TPO: variants seen among roughly 807,000 people sequenced by gnomAD.
The protein encoded by TPO is thyroid peroxidase, also known as thyroid microsomal antigen.
TPO carries 78 observed loss-of-function variants against 96.9 expected under a neutral mutation model. The ratio of observed to expected loss-of-function variants is 0.81; its 90% CI spans 0.67 to 0.97. TPO has a LOEUF of 0.97. Ranked by LOEUF, TPO falls within the 50% of genes least tolerant of loss-of-function variation. The probability of loss-of-function intolerance (pLI) is 0.00; values close to 1 mark genes in which losing one functional copy is unlikely to be tolerated. For missense variants in TPO, 1,252 were observed against 1,274.8 expected, an observed-to-expected ratio of 0.98 and a Z score of 0.27; for synonymous variants, 547 against 538.0, an observed-to-expected ratio of 1.02 and a Z score of -0.23.
intron 1 of TPO, among the ~76,000 whole-genome samples, chr2:1,380,228 A>C (rs1661787359): frequency 6.6e-6 from 1 of 151,974 alleles, no homozygotes; most frequent in South Asian, 2.1e-4. Context: ...CCCCGTCTCT[A>C]CTAAAAATAC....
At chr2:1,534,501 GTGTGCAACTTCCCCAAATCCCTCCCACTC>G (rs1445257801) in intron 15 of TPO, among the ~76,000 whole-genome samples, 4 of 40,060 alleles carry the variant, frequency 1.0e-4, no homozygotes, top group Non-Finnish European at 1.5e-4. Context: ...CCCCCACGCA[GTGTGCAACTTCCCCAAATCCCTCCCACTC>G]TGTGCAACCT....
intron 14 of TPO, among the ~76,000 whole-genome samples, chr2:1,514,625 G>A (rs980862259): frequency 1.2e-4 from 19 of 152,188 alleles, no homozygotes; most frequent in Non-Finnish European, 2.5e-4. Context: ...AAGCCACTCC[G>A]GCAGCAGCCG....
chr2:1,481,408 C>T (rs982754370), intron 8 of TPO, among the ~76,000 whole-genome samples: 1 of 152,102 alleles, frequency 6.6e-6, no homozygotes, highest in African/African-American at 2.4e-5. Context: ...AAATATCTGG[C>T]GTGGATGTTT....
chr2:1,516,102 G>C (rs1674674522), intron 14 of TPO, among the ~76,000 whole-genome samples: 1 of 152,014 alleles, frequency 6.6e-6, no homozygotes, highest in Non-Finnish European at 1.5e-5. Flanking sequence ...CCAAGGGCTG[G>C]AGCCCAGGAG....
chr2:1,414,417 G>C lies in TPO; in HGVS notation c.9G>C (p.Ala3=). 6.2e-7 allele frequency: 1 copy of C among 1,613,566 alleles called. No homozygotes were observed. Among genetic ancestry groups the C allele is most frequent in the Non-Finnish European group, 8.5e-7 (1 of 1,179,762 alleles). MR[A]LAVLSVTLVM... Reference sequence around the variant, plus strand: ...CTTCCGTTAATTTTAGAATGAGAGCGCTCGCTGTGCTGTCTGTCACGCTGG... The same window carrying C: ...CTTCCGTTAATTTTAGAATGAGAGCCCTCGCTGTGCTGTCTGTCACGCTGG... The change falls in exon 2 of 17, where the codon GCG becomes GCC. Residue 3 remains alanine, a synonymous_variant. Transcript: ENST00000329066.
chr2:1,391,055 T>A (rs1322942063), intron 1 of TPO, among the ~76,000 whole-genome samples: 4 of 152,238 alleles, frequency 2.6e-5, no homozygotes, highest in African/African-American at 9.6e-5. Context: ...TTTGTCAATT[T>A]TGGCTTTTGT....
intron 1 of TPO, among the ~76,000 whole-genome samples, chr2:1,389,148 G>A (rs1471112378): frequency 6.6e-6 from 1 of 152,146 alleles, no homozygotes; most frequent in Non-Finnish European, 1.5e-5. Context: ...GCAGGGCCTG[G>A]CTCAGGTCGG....
chr2:1,421,853 C>T (rs532883582), intron 2 of TPO, among the ~76,000 whole-genome samples: 1 of 152,334 alleles, frequency 6.6e-6, no homozygotes, highest in Admixed American at 6.5e-5. Context: ...GGCATCGTCC[C>T]ACATTGCACT....
At chr2:1,517,967 C>G (rs1423599472) in intron 15 of TPO, among the ~76,000 whole-genome samples, 1 of 151,974 alleles carries the variant, frequency 6.6e-6, no homozygotes, top group Non-Finnish European at 1.5e-5. Context: ...CCTGTGCACA[C>G]TCCTGCTGCA....
At chr2:1,386,049 CTAGTT>C (rs1416949364) in intron 1 of TPO, among the ~76,000 whole-genome samples, 12 of 152,198 alleles carry the variant, frequency 7.9e-5, no homozygotes, top group Admixed American at 2.6e-4. Flanking sequence ...ATCCTGAGTT[CTAGTT>C]TGATTTCACT....
At position 1,477,404 on chromosome 2, in the gene TPO, G is replaced by A. The variant is rs766587495; in HGVS notation, c.1138G>A (p.Gly380Ser). 5.9e-6 allele frequency: 9 copies of A among 1,524,642 alleles called. No homozygotes were observed. Among genetic ancestry groups the A allele is most frequent in the East Asian group, 2.5e-5 (1 of 39,844 alleles). The allele number at this position is 1,524,642 out of a possible 1,614,324, so 94.4% of individuals were successfully genotyped here. A position where few individuals can be genotyped will look rare whatever the true frequency, so the allele number is the denominator to read the frequency against. The part of the protein sequence containing the change: ...RAPAACAPEP[G>S]IPGETRGPCF... ...GCCTGCGGCCTGTGCGCCCGAGCCC[G>A]GCATCCCCGGAGAGACCCGCGGGCC... Residue 380 changes from glycine (G) to serine (S), a missense_variant, in exon 8 of 17, where the codon GGC (glycine) becomes AGC (serine). Transcript: ENST00000329066.
At chr2:1,415,058 G>A (rs760202982) in intron 2 of TPO, among the ~76,000 whole-genome samples, 14 of 152,194 alleles carry the variant, frequency 9.2e-5, no homozygotes, top group Non-Finnish European at 1.9e-4. Context: ...ACACCTCGCT[G>A]GGCAGGTCCC....
chr2:1,473,707 A>G (rs932243562), intron 7 of TPO, among the ~76,000 whole-genome samples: 4 of 152,020 alleles, frequency 2.6e-5, no homozygotes, highest in African/African-American at 4.8e-5. Context: ...CTTTTTGTAG[A>G]TCATGTGATT....
At chr2:1,436,113 T>C (rs765263125) in intron 4 of TPO, 139 bp from the exon 5 acceptor site, 1 of 1,324,380 alleles carries the variant, frequency 7.6e-7, no homozygotes, top group Non-Finnish European at 1.1e-6. Context: ...AGAAGGCAGA[T>C]TTTCTCAAAA....
At chr2:1,527,569 A>C (rs971015208) in intron 15 of TPO, among the ~76,000 whole-genome samples, 4 of 145,226 alleles carry the variant, frequency 2.8e-5, no homozygotes, top group African/African-American at 1.0e-4. Flanking sequence ...CCAAATACCA[A>C]CTGTGTGCAA....
intron 3 of TPO, among the ~76,000 whole-genome samples, chr2:1,429,763 T>A (rs967731612): frequency 5.3e-5 from 8 of 152,176 alleles, no homozygotes; most frequent in Non-Finnish European, 7.3e-5. Context: ...AATTTGAACT[T>A]ACGAGTGATG....
chr2:1,384,370 A>G (rs1344175579), intron 1 of TPO, among the ~76,000 whole-genome samples: 11 of 151,822 alleles, frequency 7.2e-5, no homozygotes, highest in East Asian at 5.8e-4. Flanking sequence ...ATTTGTTTGT[A>G]TCCTCTTTTA....
chr2:1,497,991 CAAA>C (rs543921082), intron 13 of TPO, among the ~76,000 whole-genome samples: 6 of 87,294 alleles, frequency 6.9e-5, no homozygotes, highest in East Asian at 3.1e-4. Flanking sequence ...CCCCATCTAC[CAAA>C]AAAAAAAAAA....
rs1677406927 is a variant in TPO at position 1,529,243 on chromosome 2, T to TCC, written c.2619-11351_2619-11350insCC. ...TCCCCCCCACTGTGTGCAACCGTGC[T>TCC]AAATCCCCCCACTCTGTGCAACCTC... On this transcript the variant is annotated intron_variant, in intron 15 of 16. Coordinates refer to ENST00000329066, the MANE Select transcript of TPO (RefSeq NM_001206744.2). Among the ~76,000 whole-genome samples, 5 of 10,780 alleles carry TCC rather than the reference T, an allele frequency of 4.6e-4. No homozygotes were observed. In the East Asian group the frequency reaches 0.013, roughly 28 times the overall value. 7.1% of individuals were successfully genotyped at this position (10,780 alleles called of 152,430 possible). A position where few individuals can be genotyped will look rare whatever the true frequency, so the allele number is the denominator to read the frequency against.
Sources: gnomAD v4.1 joint callset for allele counts (sites outside exome capture counted in the v4.1 genomes callset) on GRCh38, gnomAD v4.1.1 for gene constraint, MANE v1.5 for transcripts, NCBI Gene and HGNC (gene_info 2026-07-23, HGNC 2026-07-21) for gene names.